SHE: variants seen among roughly 807,000 people sequenced by gnomAD.
SHE encodes Src homology 2 domain containing E, also known as SH2 domain-containing adapter protein E.
A neutral mutation model predicts 49.8 loss-of-function variants in SHE; 11 were observed. The observed-to-expected ratio is 0.22, with a 90% CI of 0.14 to 0.37. SHE has a LOEUF of 0.37. Ranked by LOEUF, SHE falls within the 10% of genes least tolerant of loss-of-function variation. SHE has a pLI of 1.00. For missense variants in SHE, 624 were observed against 655.5 expected, an observed-to-expected ratio of 0.95 and a Z score of 0.52; for synonymous variants, 310 against 278.1, an observed-to-expected ratio of 1.11 and a Z score of -1.14.
downstream of SHE, among the ~76,000 whole-genome samples, chr1:154,478,549 TG>T (rs1691941567): frequency 6.6e-6 from 1 of 152,060 alleles, no homozygotes. Flanking sequence ...TGTTTTTATC[TG>T]AAAAACAAGG....
chr1:154,493,060 G>A (rs1313233201), intron 2 of SHE, among the ~76,000 whole-genome samples: 3 of 152,178 alleles, frequency 2.0e-5, no homozygotes, highest in Non-Finnish European at 4.4e-5. Context: ...TTACACACGC[G>A]TTTGAGTTTT....
chr1:154,502,079 C>T lies in SHE; in HGVS notation c.-53G>A, dbSNP rs1166242031. 1 of 1,224,510 alleles carries T rather than the reference C, an allele frequency of 8.2e-7. No individual in the cohort carries two copies. The highest frequency in any genetic ancestry group is 1.0e-6 in the Non-Finnish European group (1 of 980,642). The allele number at this position is 1,224,510 out of a possible 1,614,324, so 75.9% of individuals were successfully genotyped here. On this transcript the variant is annotated 5_prime_UTR_variant, in exon 1 of 6. Coordinates refer to ENST00000304760, the MANE Select transcript of SHE (RefSeq NM_001010846.3). ...CGGCGAGGCCCCGCGACGGCTGCTCCGTGCGCCCCCGGCCGGCCGTCGCCC... is the reference window on the plus strand; with the variant it reads ...CGGCGAGGCCCCGCGACGGCTGCTCTGTGCGCCCCCGGCCGGCCGTCGCCC...
chr1:154,478,129 C>T (rs889404127), downstream of SHE, among the ~76,000 whole-genome samples: 7 of 152,146 alleles, frequency 4.6e-5, no homozygotes, highest in African/African-American at 1.7e-4. Context: ...GAATGATACT[C>T]TGCTGTATTG....
At chr1:154,490,041 T>C (rs1692315950) in intron 2 of SHE, among the ~76,000 whole-genome samples, 1 of 152,236 alleles carries the variant, frequency 6.6e-6, no homozygotes, top group Non-Finnish European at 1.5e-5. Context: ...GGTTGAAAAT[T>C]ATAGTCAAAC....
In SHE at chr1:154,488,923, A is replaced by G. The variant is rs1322379757; in HGVS notation, c.1024+128T>C. On this transcript the variant is annotated intron_variant, in intron 3 of 5. Transcript: ENST00000304760. Reference sequence around the variant, plus strand: ...TTCAATGGTCATTTCAGGCATTTCCAAAACAGTTGCACATTGAGAAGAGAA... The same window carrying G: ...TTCAATGGTCATTTCAGGCATTTCCGAAACAGTTGCACATTGAGAAGAGAA... 6.2e-6 allele frequency: 8 copies of G among 1,291,584 alleles called. No individual in the cohort carries two copies. The East Asian group carries it at 1.7e-4, about 28-fold the overall frequency. 80.0% of individuals were successfully genotyped at this position (1,291,584 alleles called of 1,614,324 possible).
chr1:154,492,603 T>C (rs904496874), intron 2 of SHE, among the ~76,000 whole-genome samples: 1 of 152,178 alleles, frequency 6.6e-6, no homozygotes, highest in African/African-American at 2.4e-5. Flanking sequence ...TCTTCTTCCT[T>C]GCTTACTCCA....
At chr1:154,488,502 G>A (rs1163963717) in intron 3 of SHE, among the ~76,000 whole-genome samples, 2 of 152,030 alleles carry the variant, frequency 1.3e-5, no homozygotes, top group Non-Finnish European at 1.5e-5. Flanking sequence ...CAAGTGATCC[G>A]CCTGCCTCAG....
At chr1:154,493,264 A>C (rs1692421615) in intron 2 of SHE, among the ~76,000 whole-genome samples, 1 of 152,152 alleles carries the variant, frequency 6.6e-6, no homozygotes, top group Non-Finnish European at 1.5e-5. Flanking sequence ...TCCCCTCCCC[A>C]CACCACCCCC....
chr1:154,485,757 T>A (rs1692157351), intron 5 of SHE, 186 bp downstream of exon 5: 2 of 567,936 alleles, frequency 3.5e-6, no homozygotes, highest in Non-Finnish European at 6.2e-6. Context: ...AATGGAGGCA[T>A]TTACCCAATA....
Position 154,481,291 on chromosome 1 carries a change from C to T in SHE, c.*2858G>A, listed in dbSNP as rs1046863200. Reference sequence around the variant, plus strand: ...CCTCAAGAAGAAAATAGCTCACTAACGCCCCCACCTCTGACTTCCCACTAA... The same window carrying T: ...CCTCAAGAAGAAAATAGCTCACTAATGCCCCCACCTCTGACTTCCCACTAA... On this transcript the variant is annotated 3_prime_UTR_variant, in exon 6 of 6. Coordinates refer to ENST00000304760, the MANE Select transcript of SHE (RefSeq NM_001010846.3). The T allele has an allele frequency of 4.4e-5, 43 of 985,306 alleles. No homozygotes were observed. The highest frequency in any genetic ancestry group is 4.7e-5 in the Non-Finnish European group (39 of 829,948). The allele number at this position is 985,306 out of a possible 1,614,324, so 61.0% of individuals were successfully genotyped here. A position where few individuals can be genotyped will look rare whatever the true frequency, so the allele number is the denominator to read the frequency against.
chr1:154,475,731 A>C (rs1691863592), downstream of SHE, among the ~76,000 whole-genome samples: 2 of 152,234 alleles, frequency 1.3e-5, no homozygotes, highest in African/African-American at 4.8e-5. Context: ...ATTGGCTGTA[A>C]GACAGTAATT....
intron 2 of SHE, among the ~76,000 whole-genome samples, chr1:154,495,734 TA>T (rs11341057): frequency 0.79 from 117,640 of 149,686 alleles, 46,728 homozygotes; most frequent in East Asian, 0.92. Flanking sequence ...TAGTACATAA[TA>T]AAAAAAAAAA....
Position 154,481,464 on chromosome 1 carries a change from C to T in SHE, c.*2685G>A, listed in dbSNP as rs1455984700. The T allele has an allele frequency of 1.0e-6, 1 of 985,240 alleles. No individual in the cohort carries two copies. The highest frequency in any genetic ancestry group is 6.1e-5 in the Admixed American group (1 of 16,264). 61.0% of individuals were successfully genotyped at this position (985,240 alleles called of 1,614,324 possible). A position where few individuals can be genotyped will look rare whatever the true frequency, so the allele number is the denominator to read the frequency against. On this transcript the variant is annotated 3_prime_UTR_variant, in exon 6 of 6. Coordinates refer to ENST00000304760, the MANE Select transcript of SHE (RefSeq NM_001010846.3). ...AGTATAGAAGAAGCATAATACTGGG[C>T]ATATGACAGAAGCTCAATAAATACT... is the stretch of plus-strand genomic sequence containing the variant.
intron 2 of SHE, among the ~76,000 whole-genome samples, chr1:154,492,096 G>A (rs4478801): frequency 0.51 from 77,178 of 152,068 alleles, 22,669 homozygotes; most frequent in East Asian, 0.76. Context: ...TGAGGGAAAC[G>A]TTATTAAAAT....
Position 154,489,178 on chromosome 1 carries a change from C to A in SHE, c.897G>T (p.Gly299=), listed in dbSNP as rs764322822. ...LYDTPYEPAE[G]GPRAEGKARP... is the part of the protein sequence containing the mutation. ...GCGCCTTCCCCTCTGCCCTGGGCCC[C>A]CCTTCTGCAGGCTCGTAGGGAGTGT... is the stretch of plus-strand genomic sequence containing the variant. The change falls in exon 3 of 6, where the codon GGG becomes GGT. Residue 299 remains glycine (G), a synonymous_variant. Coordinates refer to ENST00000304760, the MANE Select transcript of SHE (RefSeq NM_001010846.3). 1 of 1,614,168 alleles carries A rather than the reference C, an allele frequency of 6.2e-7. No homozygotes were observed. The highest frequency in any genetic ancestry group is 1.7e-5 in the Admixed American group (1 of 60,014).
At chr1:154,498,229 A>G (rs1389510728) in intron 2 of SHE, among the ~76,000 whole-genome samples, 2 of 151,062 alleles carry the variant, frequency 1.3e-5, no homozygotes, top group Non-Finnish European at 2.9e-5. Context: ...AGTAGCTGGG[A>G]TTACAGGCAT....
downstream of SHE, among the ~76,000 whole-genome samples, chr1:154,477,241 G>A (rs1349540020): frequency 3.3e-5 from 5 of 152,184 alleles, no homozygotes; most frequent in South Asian, 8.3e-4. Context: ...TGGGTAGAGA[G>A]CACATTGATC....
rs1389132873 is a variant in SHE, at chr1:154,482,983, A to G, written c.*1166T>C. The G allele has an allele frequency of 1.3e-5, 13 of 984,862 alleles. No homozygotes were observed. Among genetic ancestry groups the G allele is most frequent in the Non-Finnish European group, 1.6e-5 (13 of 829,520 alleles). The allele number at this position is 984,862 out of a possible 1,614,324, so 61.0% of individuals were successfully genotyped here. On this transcript the variant is annotated 3_prime_UTR_variant, in exon 6 of 6. Coordinates refer to ENST00000304760, the MANE Select transcript of SHE (RefSeq NM_001010846.3). The stretch of plus-strand genomic sequence containing the variant: ...TATTCCATAGCAACTAAAATGCCCA[A>G]TGATGATGAAACAAAAGACATCGAA...
In SHE at chr1:154,499,125, C is replaced by T; in HGVS notation, c.705G>A (p.Gln235=). The change falls in exon 2 of 6, where the codon CAG becomes CAA. Residue 235 remains glutamine, a synonymous_variant. Coordinates refer to ENST00000304760, the MANE Select transcript of SHE (RefSeq NM_001010846.3). ...NDGYMEPYDA[Q]QMITEIRRRG... ...CTGCTTACAAACCTGTTATCATTTG[C>T]TGTGCATCATATGGTTCCATGTAAC... 2 of 1,614,108 alleles carry T rather than the reference C, an allele frequency of 1.2e-6. No individual in the cohort carries two copies. Among genetic ancestry groups the T allele is most frequent in the Non-Finnish European group, 1.7e-6 (2 of 1,179,982 alleles).
Sources: gnomAD v4.1 joint callset for allele counts (sites outside exome capture counted in the v4.1 genomes callset) on GRCh38, gnomAD v4.1.1 for gene constraint, MANE v1.5 for transcripts, NCBI Gene and HGNC (gene_info 2026-07-23, HGNC 2026-07-21) for gene names.